The following TENM3 variants were observed in gnomAD, a reference collection of about 807,000 sequenced individuals.
TENM3 encodes the protein teneurin-3.
TENM3 carries 63 observed loss-of-function variants against 255.1 expected under a neutral mutation model. That is an observed-to-expected ratio of 0.25 (90% CI 0.20 to 0.30). The LOEUF is 0.30. Among genes scored for constraint, TENM3 ranks in the 10% least tolerant of loss-of-function variants. TENM3 has a pLI of 1.00. For synonymous variants in TENM3, 1,306 were observed against 1,322.3 expected (o/e 0.99, Z 0.27); for missense variants, 2,929 against 3,461.1 (o/e 0.85, Z 3.86).
At chr4:182,283,896 T>G (rs1257191505) in intron 1 of TENM3, among the ~76,000 whole-genome samples, 1 of 152,170 alleles carries the variant, frequency 6.6e-6, no homozygotes, top group Non-Finnish European at 1.5e-5. Flanking sequence ...TTTAAGCGGT[T>G]TAAGAAATAT....
chr4:182,697,156 T>G (rs188522623), intron 12 of TENM3, among the ~76,000 whole-genome samples: 11 of 152,332 alleles, frequency 7.2e-5, no homozygotes, highest in African/African-American at 9.6e-5. Context: ...CTGAAATTCA[T>G]AACAAACTGA....
At chr4:182,078,180 T>C in the TENM3 span, among the ~76,000 whole-genome samples, 62 of 151,760 alleles carry the variant, frequency 4.1e-4, no homozygotes, top group Non-Finnish European at 4.4e-5. Flanking sequence ...AAGCAGTGAT[T>C]GTGGCACTGC....
At chr4:181,969,886 A>G in the TENM3 span, among the ~76,000 whole-genome samples, 1 of 152,264 alleles carries the variant, frequency 6.6e-6, no homozygotes, top group Non-Finnish European at 1.5e-5. Context: ...TAATTCGTTA[A>G]CGTGTTAACT....
the TENM3 span, among the ~76,000 whole-genome samples, chr4:181,667,127 C>T: frequency 7.9e-5 from 12 of 152,088 alleles, no homozygotes; most frequent in Non-Finnish European, 1.5e-4. Context: ...TTTGCTTCTT[C>T]CTAGATCCCA....
chr4:181,868,241 C>A, the TENM3 span, among the ~76,000 whole-genome samples: 1 of 152,066 alleles, frequency 6.6e-6, no homozygotes. Context: ...GCCCCCAGCC[C>A]CTTCTAGTCA....
chr4:181,611,075 G>A, the TENM3 span, among the ~76,000 whole-genome samples: 1 of 152,080 alleles, frequency 6.6e-6, no homozygotes, highest in South Asian at 2.1e-4. Flanking sequence ...ATTATATTTT[G>A]GATGCATGCT....
At chr4:182,192,552 T>G (rs1753591531) in intron 1 of TENM3, among the ~76,000 whole-genome samples, 1 of 152,184 alleles carries the variant, frequency 6.6e-6, no homozygotes, top group South Asian at 2.1e-4. Context: ...ATCAAATACT[T>G]TTTGGCTTAC....
At chr4:182,464,912 C>T (rs1382862856) in intron 3 of TENM3, among the ~76,000 whole-genome samples, 2 of 152,114 alleles carry the variant, frequency 1.3e-5, no homozygotes, top group African/African-American at 2.4e-5. Context: ...TCCCTTCTCA[C>T]CCCCTAATGA....
At chr4:181,727,466 G>C in the TENM3 span, among the ~76,000 whole-genome samples, 1 of 152,054 alleles carries the variant, frequency 6.6e-6, no homozygotes, top group Non-Finnish European at 1.5e-5. Flanking sequence ...TGAGAGCCAG[G>C]AATCATGGAC....
chr4:182,785,425 A>C (rs1765562195), intron 24 of TENM3, among the ~76,000 whole-genome samples: 1 of 151,906 alleles, frequency 6.6e-6, no homozygotes, highest in South Asian at 2.1e-4. Context: ...GGCTACCAGA[A>C]GACCAGACGC....
upstream of TENM3, among the ~76,000 whole-genome samples, chr4:182,240,043 G>A (rs78497810): frequency 9.8e-3 from 1,490 of 152,266 alleles, 16 homozygotes; most frequent in African/African-American, 0.034. Context: ...TAGTGAAACT[G>A]GGGGAAAGTT....
chr4:182,542,702 T>C (rs561735670), intron 3 of TENM3, among the ~76,000 whole-genome samples: 1 of 152,306 alleles, frequency 6.6e-6, no homozygotes, highest in South Asian at 2.1e-4. Context: ...AGGTCAAGTT[T>C]CGGATTCACC....
At chr4:181,473,909 A>G in the TENM3 span, among the ~76,000 whole-genome samples, 1 of 149,202 alleles carries the variant, frequency 6.7e-6, no homozygotes, top group Non-Finnish European at 1.5e-5. Flanking sequence ...TAAAGTATAC[A>G]GTATAAAATA....
At position 182,789,133 on chromosome 4, in the gene TENM3, C is replaced by A. The variant is rs772072649; in HGVS notation, c.5345C>A (p.Thr1782Lys). 1 of 1,611,250 alleles carries A rather than the reference C, an allele frequency of 6.2e-7. No individual in the cohort carries two copies. The highest frequency in any genetic ancestry group is 1.1e-5 in the South Asian group (1 of 90,646). Residue 1782 changes from threonine to lysine, a missense_variant, in exon 25 of 28, where the codon ACA (threonine) becomes AAA (lysine). Coordinates refer to ENST00000511685, the MANE Select transcript of TENM3 (RefSeq NM_001080477.4). The surrounding 1 kb of genome is among the most constrained non-coding windows in gnomAD (Gnocchi z 4.4). ...RNLLSVDFDR[T>K]TKTEKIYDDH... The stretch of plus-strand genomic sequence containing the variant: ...CTCCTTTCAGTTGACTTTGATCGAA[C>A]AACAAAGACAGAAAAGATCTATGAC...
chr4:181,856,532 G>A, the TENM3 span, among the ~76,000 whole-genome samples: 2 of 152,158 alleles, frequency 1.3e-5, no homozygotes, highest in African/African-American at 4.8e-5. Flanking sequence ...CTACATAGAT[G>A]TTTCCCTTTT....
the TENM3 span, among the ~76,000 whole-genome samples, chr4:181,996,474 A>G: frequency 6.6e-6 from 1 of 152,210 alleles, no homozygotes; most frequent in Non-Finnish European, 1.5e-5. Flanking sequence ...GGAAACAAAA[A>G]GAATGCCAGG....
intron 5 of TENM3, among the ~76,000 whole-genome samples, chr4:182,647,781 AT>A (rs376410634): frequency 3.3e-5 from 5 of 152,170 alleles, no homozygotes; most frequent in Middle Eastern, 3.4e-3. Flanking sequence ...TCTATATTTA[AT>A]TTTTTTGTGG....
At chr4:182,069,683 A>G in the TENM3 span, among the ~76,000 whole-genome samples, 3 of 65,000 alleles carry the variant, frequency 4.6e-5, no homozygotes, top group East Asian at 1.8e-3. Flanking sequence ...ACATAGATGC[A>G]TAAACACACA....
At chr4:182,025,177 C>A in the TENM3 span, among the ~76,000 whole-genome samples, 81,948 of 151,768 alleles carry the variant, frequency 0.54, 26,463 homozygotes, top group South Asian at 0.74. Context: ...TACAGGCGCC[C>A]ACCACCACGC....
Sources: allele counts gnomAD v4.1 joint callset (sites outside exome capture counted in the v4.1 genomes callset), GRCh38; gene constraint gnomAD v4.1.1; non-coding constraint Gnocchi (gnomAD v3.1); transcripts MANE v1.5; gene names NCBI Gene and HGNC (gene_info 2026-07-23, HGNC 2026-07-21).